The following GSE1 variants were observed in gnomAD, a reference collection of about 807,000 sequenced individuals.
GSE1 encodes Gse1 coiled-coil protein.
Under a neutral mutation model 112.6 loss-of-function variants are expected in GSE1, and 32 were observed. The observed-to-expected ratio is 0.28, with a 90% CI of 0.21 to 0.38. The LOEUF (loss-of-function observed/expected upper bound fraction) is 0.38, where lower values mean the gene tolerates loss of function less well. Ranked by LOEUF, GSE1 falls within the 10% of genes least tolerant of loss-of-function variation. The pLI is 1.00. For missense variants in GSE1, 2,348 were observed against 1,699.2 expected, an observed-to-expected ratio of 1.38 and a Z score of -6.71; for synonymous variants, 1,115 against 735.6, an observed-to-expected ratio of 1.52 and a Z score of -8.35.
At chr16:85,225,081 A>T (rs1334291553) in intron 1 of GSE1, among the ~76,000 whole-genome samples, 2 of 152,136 alleles carry the variant, frequency 1.3e-5, no homozygotes, top group Admixed American at 6.5e-5. Context: ...CAGTGAGCCG[A>T]GATCGCGCCT....
chr16:85,253,773 G>T (rs1906771574), intron 1 of GSE1, among the ~76,000 whole-genome samples: 1 of 152,170 alleles, frequency 6.6e-6, no homozygotes, highest in African/African-American at 2.4e-5. Context: ...CCAGGAGGTG[G>T]GACAGGCTGG....
intron 2 of GSE1, among the ~76,000 whole-genome samples, chr16:85,372,004 C>A (rs2047311516): frequency 1.3e-5 from 2 of 152,176 alleles, no homozygotes; most frequent in Non-Finnish European, 2.9e-5. Flanking sequence ...TGCAGAGCTT[C>A]CAGGAGGGCA....
At chr16:85,330,366 G>A (rs1375831992) in intron 1 of GSE1, among the ~76,000 whole-genome samples, 1 of 152,232 alleles carries the variant, frequency 6.6e-6, no homozygotes, top group Non-Finnish European at 1.5e-5. Flanking sequence ...GCCTGGAGAA[G>A]CTGGAAGAAA....
chr16:85,648,784 T>A, intron 3 of GSE1, 33 bp downstream of exon 3: 2 of 1,314,614 alleles, frequency 1.5e-6, no homozygotes, highest in Non-Finnish European at 1.0e-6. Flanking sequence ...CCTAGCGTCC[T>A]CTAAGTGGGG....
intron 2 of GSE1, among the ~76,000 whole-genome samples, chr16:85,366,792 T>C (rs2047194676): frequency 6.6e-6 from 1 of 152,224 alleles, no homozygotes; most frequent in Admixed American, 6.5e-5. Flanking sequence ...ACACCAAGCA[T>C]TGAATAAAAG....
intron 1 of GSE1, among the ~76,000 whole-genome samples, chr16:85,269,160 C>T (rs1355634876): frequency 6.7e-6 from 1 of 149,350 alleles, no homozygotes; most frequent in East Asian, 1.9e-4. Flanking sequence ...TCTTTTATTA[C>T]CATGCCATCT....
chr16:85,314,316 T>C (rs1286969114), intron 1 of GSE1, among the ~76,000 whole-genome samples: 1 of 151,800 alleles, frequency 6.6e-6, no homozygotes, highest in Non-Finnish European at 1.5e-5. Context: ...CTCCCAGGAG[T>C]CCCTTGGAAA....
intron 1 of GSE1, among the ~76,000 whole-genome samples, chr16:85,260,016 C>T (rs1907505281): frequency 6.6e-6 from 1 of 152,202 alleles, no homozygotes; most frequent in African/African-American, 2.4e-5. Flanking sequence ...TCCATCTGGC[C>T]AGCACTTACC....
intron 1 of GSE1, among the ~76,000 whole-genome samples, chr16:85,627,918 C>G (rs2049215184): frequency 6.6e-6 from 1 of 152,232 alleles, no homozygotes. Context: ...CTGACCTCAG[C>G]CAGAGAACAC....
In GSE1 at chr16:85,587,177, C is replaced by A. The variant is rs59996022; in HGVS notation, c.37+30814C>A. Among the ~76,000 whole-genome samples the A allele has an allele frequency of 2.6e-4, 39 of 149,408 alleles. 1 individual carries two copies. The highest frequency in any genetic ancestry group is 4.2e-4 in the South Asian group (2 of 4,762). On this transcript the variant is annotated intron_variant, in intron 1 of 2. Coordinates refer to the GSE1 transcript ENST00000635906. Reference sequence around the variant, plus strand: ...CTGGTCTGAGGACGAAACCCCCCCCCCCCCAGACCAGACCCCATGGTCTGG... The same window carrying A: ...CTGGTCTGAGGACGAAACCCCCCCCACCCCAGACCAGACCCCATGGTCTGG...
chr16:85,310,961 G>C (rs961349002), intron 1 of GSE1, among the ~76,000 whole-genome samples: 1 of 152,234 alleles, frequency 6.6e-6, no homozygotes, highest in African/African-American at 2.4e-5. Flanking sequence ...GCCCCCCGCC[G>C]CTCCGCATCC....
rs140379204 is a variant in GSE1 at position 85,476,216 on chromosome 16, G to A, written c.2464+118573G>A. Among the ~76,000 whole-genome samples the A allele has an allele frequency of 2.6e-3, 393 of 152,342 alleles. 2 individuals carry two copies. The highest frequency in any genetic ancestry group is 0.01 in the Middle Eastern group (3 of 294). ...CAGAGTGCTGGGATTACAGGCGTCA[G>A]CCACCGTGCCTCACCTTTTGTTGAG... is the stretch of plus-strand genomic sequence containing the variant. On this transcript the variant is annotated intron_variant, in intron 2 of 2. Coordinates refer to the GSE1 transcript ENST00000637419.
At chr16:85,528,295 G>A (rs2052426311) in intron 2 of GSE1, among the ~76,000 whole-genome samples, 1 of 151,558 alleles carries the variant, frequency 6.6e-6, no homozygotes, top group African/African-American at 2.4e-5. Flanking sequence ...GAGCAGGGCA[G>A]GGATGGCTGG....
At chr16:85,523,033 G>C (rs2052240759) in intron 2 of GSE1, among the ~76,000 whole-genome samples, 2 of 151,998 alleles carry the variant, frequency 1.3e-5, no homozygotes, top group African/African-American at 4.8e-5. Context: ...GTATGCGTGT[G>C]TGTCTTTTGT....
chr16:85,306,921 T>G (rs953749869), intron 1 of GSE1, among the ~76,000 whole-genome samples: 1 of 152,206 alleles, frequency 6.6e-6, no homozygotes. Context: ...GTCCCCTTCC[T>G]GTTATGCACT....
chr16:85,250,662 C>T (rs567786478), intron 1 of GSE1, among the ~76,000 whole-genome samples: 4 of 152,160 alleles, frequency 2.6e-5, no homozygotes, highest in East Asian at 1.9e-4. Flanking sequence ...TTATAACAGC[C>T]GTATTGAGAT....
chr16:85,427,397 T>G (rs2049018369), intron 2 of GSE1, among the ~76,000 whole-genome samples: 1 of 152,194 alleles, frequency 6.6e-6, no homozygotes, highest in Non-Finnish European at 1.5e-5. Flanking sequence ...ATCCCAGCAC[T>G]TTGGGAGGCT....
intron 2 of GSE1, among the ~76,000 whole-genome samples, chr16:85,421,970 G>A (rs1255470908): frequency 3.9e-5 from 6 of 152,156 alleles, no homozygotes; most frequent in Non-Finnish European, 8.8e-5. Flanking sequence ...CCCCCCTTGA[G>A]GTAGGTGTGA....
rs761026563 is a variant in GSE1, at chr16:85,656,526, G to C, written c.1173G>C (p.Gln391His). 6 of 1,549,204 alleles carry C rather than the reference G, an allele frequency of 3.9e-6. No individual in the cohort carries two copies. Among genetic ancestry groups the C allele is most frequent in the East Asian group, 2.4e-5 (1 of 40,918 alleles). ...GCGAGCTGGAGCGCCAGCGGGAGCAGCGGGCCCGGGAGAAGGAGCTGCTGG... is the reference window on the plus strand; with the variant it reads ...GCGAGCTGGAGCGCCAGCGGGAGCACCGGGCCCGGGAGAAGGAGCTGCTGG... ...RERELERQRE[Q>H]RAREKELLAA... Residue 391 changes from glutamine (Q) to histidine (H), a missense_variant, in exon 7 of 16, where the codon CAG becomes CAC. Coordinates refer to ENST00000253458, the MANE Select transcript of GSE1 (RefSeq NM_014615.5).
Sources: allele counts gnomAD v4.1 joint callset (sites outside exome capture counted in the v4.1 genomes callset), GRCh38; gene constraint gnomAD v4.1.1; transcripts MANE v1.5; gene names NCBI Gene and HGNC (gene_info 2026-07-23, HGNC 2026-07-21).